ST6GALNAC3: variants seen among roughly 807,000 people sequenced by gnomAD.
ST6GALNAC3 encodes the protein alpha-N-acetylgalactosaminide alpha-2,6-sialyltransferase 3.
ST6GALNAC3 carries 25 observed loss-of-function variants against 32.7 expected under a neutral mutation model. The observed-to-expected ratio is 0.76, with a 90% confidence interval of 0.56 to 1.07. The LOEUF (loss-of-function observed/expected upper bound fraction) is 1.07. ST6GALNAC3 is among the 50% of genes least tolerant of loss of function. ST6GALNAC3 has a pLI of 0.00. For synonymous variants in ST6GALNAC3, 129 were observed against 133.1 expected (o/e 0.97, Z 0.21); for missense variants, 355 against 382.4 (o/e 0.93, Z 0.60).
At chr1:76,379,191 C>T (rs1308404922) in intron 2 of ST6GALNAC3, among the ~76,000 whole-genome samples, 2 of 152,182 alleles carry the variant, frequency 1.3e-5, no homozygotes, top group African/African-American at 2.4e-5. Flanking sequence ...CCACCGGGCT[C>T]GGCCAAGAAT....
At position 76,389,011 on chromosome 1, in the gene ST6GALNAC3, C is replaced by CTTTTTTTTTTTTTTTTTTTTTTTTTTTTT. The variant is rs138986165; in HGVS notation, c.214-22997_214-22996insTTTTTTTTTTTTTTTTTTTTTTTTTTTTT. 2.8e-5 allele frequency among the ~76,000 whole-genome samples: 3 copies of CTTTTTTTTTTTTTTTTTTTTTTTTTTTTT among 107,910 alleles called. 1 individual carries two copies. Among genetic ancestry groups the CTTTTTTTTTTTTTTTTTTTTTTTTTTTTT allele is most frequent in the Non-Finnish European group, 1.8e-5 (1 of 56,182 alleles). 70.8% of individuals were successfully genotyped at this position (107,910 alleles called of 152,430 possible). On this transcript the variant is annotated intron_variant, in intron 2 of 4. Coordinates refer to ENST00000328299, the MANE Select transcript of ST6GALNAC3 (RefSeq NM_152996.4). ...GGTGTGGTTGTTAGTTGGTATATTT[C>CTTTTTTTTTTTTTTTTTTTTTTTTTTTTT]CTTTTTTTTTTTTTTTTGAGACAGA...
intron 3 of ST6GALNAC3, among the ~76,000 whole-genome samples, chr1:76,460,926 A>C: frequency 6.6e-6 from 1 of 152,192 alleles, no homozygotes; most frequent in East Asian, 1.9e-4. Flanking sequence ...ATTTTGGATA[A>C]ATGGGTAAAG....
At chr1:76,179,574 G>A (rs1324038206) in intron 1 of ST6GALNAC3, among the ~76,000 whole-genome samples, 1 of 152,104 alleles carries the variant, frequency 6.6e-6, no homozygotes, top group Non-Finnish European at 1.5e-5. Context: ...TATGACTCAG[G>A]TTCCTCCCTT....
chr1:76,585,438 G>A (rs1646948593), intron 3 of ST6GALNAC3, among the ~76,000 whole-genome samples: 1 of 151,902 alleles, frequency 6.6e-6, no homozygotes, highest in South Asian at 2.1e-4. Flanking sequence ...TCAGGGCTGA[G>A]GGTGGAGAAA....
At chr1:76,250,112 CTTTA>C (rs1001834064) in intron 1 of ST6GALNAC3, among the ~76,000 whole-genome samples, 19 of 152,184 alleles carry the variant, frequency 1.2e-4, no homozygotes, top group Admixed American at 2.0e-4. Flanking sequence ...ATGAAGCCCA[CTTTA>C]TTTATTTATT....
chr1:76,132,075 A>G (rs1403746867), intron 1 of ST6GALNAC3, among the ~76,000 whole-genome samples: 3 of 152,114 alleles, frequency 2.0e-5, no homozygotes, highest in Non-Finnish European at 2.9e-5. Context: ...AATAATCACT[A>G]AGCAACAGTG....
chr1:76,171,242 G>A (rs1293369179), intron 1 of ST6GALNAC3, among the ~76,000 whole-genome samples: 10 of 152,020 alleles, frequency 6.6e-5, no homozygotes, highest in Admixed American at 5.9e-4. Flanking sequence ...CTCTAGTGAA[G>A]CTATTGATGT....
intron 3 of ST6GALNAC3, among the ~76,000 whole-genome samples, chr1:76,444,167 C>A (rs1306370155): frequency 6.6e-6 from 1 of 152,206 alleles, no homozygotes; most frequent in Non-Finnish European, 1.5e-5. Context: ...AAACTGATAG[C>A]CGCTGGCATG....
chr1:76,355,517 T>G (rs527682924), intron 2 of ST6GALNAC3, among the ~76,000 whole-genome samples: 3 of 152,340 alleles, frequency 2.0e-5, no homozygotes, highest in African/African-American at 7.2e-5. Context: ...TTTTGGATTT[T>G]GCTTGAGTTG....
rs183154791 is a variant in ST6GALNAC3 at position 76,082,434 on chromosome 1, G to A, written c.18+7550G>A. 2.0e-5 allele frequency among the ~76,000 whole-genome samples: 3 copies of A among 152,264 alleles called. No homozygotes were observed. In the East Asian group the frequency reaches 5.8e-4, roughly 29 times the overall value. ...GCCTTCACCTGAGCAGAGAAAAAAG[G>A]GGGTGCTAAACCCCAAATTTGTTAA... is the stretch of plus-strand genomic sequence containing the variant. On this transcript the variant is annotated intron_variant, in intron 1 of 4. Transcript: ENST00000328299.
intron 3 of ST6GALNAC3, among the ~76,000 whole-genome samples, chr1:76,449,064 G>A (rs1480751180): frequency 6.6e-6 from 1 of 152,050 alleles, no homozygotes; most frequent in Non-Finnish European, 1.5e-5. Flanking sequence ...CTTGTGATCT[G>A]CCTTCCTCAG....
chr1:76,122,395 G>A (rs17609927), intron 1 of ST6GALNAC3, among the ~76,000 whole-genome samples: 15,895 of 152,158 alleles, frequency 0.1, 1,088 homozygotes, highest in Non-Finnish European at 0.14. Flanking sequence ...GTCAGCACAG[G>A]TCAAACATGC....
chr1:76,476,646 T>G (rs1450529199), intron 3 of ST6GALNAC3, among the ~76,000 whole-genome samples: 1 of 152,188 alleles, frequency 6.6e-6, no homozygotes, highest in Non-Finnish European at 1.5e-5. Flanking sequence ...GCACATTAGT[T>G]CTGAACCATA....
At chr1:76,188,159 C>T (rs754368804) in intron 1 of ST6GALNAC3, among the ~76,000 whole-genome samples, 5 of 152,040 alleles carry the variant, frequency 3.3e-5, no homozygotes, top group African/African-American at 1.2e-4. Context: ...GTCAGGAGTT[C>T]GAGACCAGCC....
intron 3 of ST6GALNAC3, among the ~76,000 whole-genome samples, chr1:76,428,219 T>G (rs1655524728): frequency 6.6e-6 from 1 of 152,032 alleles, no homozygotes; most frequent in Admixed American, 6.6e-5. Context: ...CATACAACCC[T>G]GAAATTGAAC....
chr1:76,172,299 A>G (rs1652569503), intron 1 of ST6GALNAC3, among the ~76,000 whole-genome samples: 1 of 152,228 alleles, frequency 6.6e-6, no homozygotes, highest in Non-Finnish European at 1.5e-5. Context: ...TCTTCATGTT[A>G]AAAACTCTCA....
At chr1:76,307,372 T>C (rs954623541) in intron 1 of ST6GALNAC3, among the ~76,000 whole-genome samples, 11 of 152,156 alleles carry the variant, frequency 7.2e-5, no homozygotes, top group Non-Finnish European at 1.5e-5. Context: ...AGAAGCTTTA[T>C]TGCATTCAGA....
chr1:76,412,486 T>C (rs1246203288), intron 3 of ST6GALNAC3, 69 bp downstream of exon 3: 12 of 1,432,338 alleles, frequency 8.4e-6, no homozygotes, highest in Non-Finnish European at 1.0e-5. Context: ...CCAATTCCTT[T>C]TGCAGGATAT....
At chr1:76,280,401 C>T (rs1279456577) in intron 1 of ST6GALNAC3, among the ~76,000 whole-genome samples, 1 of 152,136 alleles carries the variant, frequency 6.6e-6, no homozygotes, top group South Asian at 2.1e-4. Context: ...CTTTCCAGTT[C>T]GGGTAGATGG....
Sources: allele counts gnomAD v4.1 joint callset (sites outside exome capture counted in the v4.1 genomes callset), GRCh38; gene constraint gnomAD v4.1.1; transcripts MANE v1.5; gene names NCBI Gene and HGNC (gene_info 2026-07-23, HGNC 2026-07-21).